The following NEXMIF variants were observed in gnomAD, a reference collection of about 807,000 sequenced individuals.
The protein encoded by NEXMIF is XLMR protein related to neurite extension.
A neutral mutation model predicts 62.1 loss-of-function variants in NEXMIF; 8 were observed. The observed-to-expected ratio is 0.13, with a 90% confidence interval of 0.08 to 0.23. NEXMIF has a LOEUF of 0.23. Among genes scored for constraint, NEXMIF ranks in the 10% least tolerant of loss-of-function variants. The pLI is 1.00. For synonymous variants in NEXMIF, 404 were observed against 416.6 expected, an observed-to-expected ratio of 0.97 and a Z score of 0.37; for missense variants, 976 against 1,113.3, an observed-to-expected ratio of 0.88 and a Z score of 1.75.
At chrX:74,887,696 G>C (rs1211622917) in intron 1 of NEXMIF, among the ~76,000 whole-genome samples, 10 of 111,400 alleles carry the variant, frequency 9.0e-5, no homozygotes, top group African/African-American at 1.6e-4. Context: ...TACACTGTTG[G>C]TGGGACTGTA....
chrX:74,781,739 A>AGCC (rs1569342046), intron 1 of NEXMIF, among the ~76,000 whole-genome samples: 42 of 93,020 alleles, frequency 4.5e-4, no homozygotes, highest in Non-Finnish European at 6.5e-4. Context: ...TGTATGTGAA[A>AGCC]TTTATACTAA....
intron 1 of NEXMIF, among the ~76,000 whole-genome samples, chrX:74,811,937 T>A (rs1307966816): frequency 8.9e-6 from 1 of 112,847 alleles, no homozygotes; most frequent in Non-Finnish European, 1.9e-5. Flanking sequence ...GTGGGGTGGG[T>A]GGATATGATT....
At chrX:74,873,990 G>A (rs1281422858) in intron 1 of NEXMIF, among the ~76,000 whole-genome samples, 4 of 110,514 alleles carry the variant, frequency 3.6e-5, no homozygotes, top group Admixed American at 9.6e-5. Flanking sequence ...GAAGCTCTTT[G>A]GTTGAATTAG....
At chrX:74,865,827 C>A (rs1015035323) in intron 1 of NEXMIF, among the ~76,000 whole-genome samples, 1 of 111,944 alleles carries the variant, frequency 8.9e-6, no homozygotes, top group African/African-American at 3.2e-5. Context: ...TGTGGGTACA[C>A]AGAAGTTCAA....
chrX:74,920,691 A>G (rs1375118835), intron 1 of NEXMIF, among the ~76,000 whole-genome samples: 1 of 111,749 alleles, frequency 8.9e-6, no homozygotes, highest in Non-Finnish European at 1.9e-5. Context: ...TTAGACATGA[A>G]GTCCTTGCCC....
At chrX:74,748,126 G>T (rs2080131504) in intron 1 of NEXMIF, among the ~76,000 whole-genome samples, 1 of 112,365 alleles carries the variant, frequency 8.9e-6, no homozygotes, top group Admixed American at 9.4e-5. Context: ...AAAAGATAAA[G>T]AAGAGGTAGA....
intron 1 of NEXMIF, among the ~76,000 whole-genome samples, chrX:74,907,170 A>C (rs1378657129): frequency 8.9e-6 from 1 of 112,078 alleles, no homozygotes; most frequent in African/African-American, 3.2e-5. Context: ...TACACCAGGA[A>C]AACAGCTACA....
At chrX:74,890,180 C>T (rs746046185) in intron 1 of NEXMIF, among the ~76,000 whole-genome samples, 1 of 110,840 alleles carries the variant, frequency 9.0e-6, no homozygotes, top group Non-Finnish European at 1.9e-5. Flanking sequence ...GACTTTGATC[C>T]TAGACCTACA....
intron 1 of NEXMIF, among the ~76,000 whole-genome samples, chrX:74,760,811 A>G (rs2080173468): frequency 9.2e-6 from 1 of 109,080 alleles, no homozygotes; most frequent in African/African-American, 3.3e-5. Flanking sequence ...TGATTGATGC[A>G]TCAATGTTCA....
intron 1 of NEXMIF, among the ~76,000 whole-genome samples, chrX:74,876,103 T>C (rs2080631717): frequency 8.9e-6 from 1 of 111,738 alleles, no homozygotes; most frequent in Non-Finnish European, 1.9e-5. Context: ...TTTTGGATCT[T>C]TCCTGCTTTC....
intron 1 of NEXMIF, among the ~76,000 whole-genome samples, chrX:74,841,690 G>A (rs1438897304): frequency 8.9e-6 from 1 of 111,829 alleles, no homozygotes; most frequent in Non-Finnish European, 1.9e-5. Flanking sequence ...TAACATAAAC[G>A]GATGTTGAAT....
At chrX:74,804,018 T>A (rs1252185577) in intron 1 of NEXMIF, among the ~76,000 whole-genome samples, 1 of 111,907 alleles carries the variant, frequency 8.9e-6, no homozygotes, top group African/African-American at 3.2e-5. Context: ...CAGGATATTA[T>A]AGAACTGTAA....
chrX:74,756,392 G>A (rs2080159473), intron 1 of NEXMIF, among the ~76,000 whole-genome samples: 1 of 111,940 alleles, frequency 8.9e-6, no homozygotes. Context: ...ACAGAGGAAA[G>A]GAAAATTTCA....
chrX:74,852,897 G>C (rs1284665150), intron 1 of NEXMIF, among the ~76,000 whole-genome samples: 1 of 110,877 alleles, frequency 9.0e-6, no homozygotes, highest in East Asian at 2.8e-4. Context: ...TACTAGAAAA[G>C]CAAGAACAAA....
chrX:74,742,488 T>C lies in NEXMIF; in HGVS notation c.2069A>G (p.His690Arg), dbSNP rs771210378. ...LGAPSCANGS[H>R]LNDITGPDSV... ...GTCAGGGCCTGTGATGTCATTTAAA[T>C]GTGATCCATTTGCACAGCTAGGAGC... Residue 690 changes from histidine to arginine, a missense_variant, in exon 3 of 4, where the codon CAT becomes CGT. His to Arg is a conservative substitution (Grantham distance 29, BLOSUM62 0). Around this residue, in one of 5 missense-constraint regions of NEXMIF, gnomAD observed 639 missense variants for 694.5 expected, o/e 0.92. Coordinates refer to ENST00000055682, the MANE Select transcript of NEXMIF (RefSeq NM_001008537.3). 4 of 1,210,344 alleles carry C rather than the reference T, an allele frequency of 3.3e-6. No individual in the cohort carries two copies. The highest frequency in any genetic ancestry group is 4.5e-6 in the Non-Finnish European group (4 of 895,176).
chrX:74,788,265 G>C (rs915400522), intron 1 of NEXMIF, among the ~76,000 whole-genome samples: 4 of 111,578 alleles, frequency 3.6e-5, no homozygotes, highest in Non-Finnish European at 5.7e-5. Flanking sequence ...TCCTGATCAA[G>C]GTAAACAGAT....
intron 1 of NEXMIF, among the ~76,000 whole-genome samples, chrX:74,912,700 G>A (rs1451272673): frequency 3.6e-5 from 4 of 111,348 alleles, no homozygotes; most frequent in Non-Finnish European, 7.5e-5. Context: ...TTCCTGTAGT[G>A]CCAAGCTCTT....
At chrX:74,877,120 C>T (rs1364805232) in intron 1 of NEXMIF, among the ~76,000 whole-genome samples, 2 of 111,729 alleles carry the variant, frequency 1.8e-5, no homozygotes, top group Admixed American at 1.9e-4. Flanking sequence ...GATTTTGCAG[C>T]AGCTGGTACA....
At chrX:74,804,240 T>G (rs1415272214) in intron 1 of NEXMIF, among the ~76,000 whole-genome samples, 1 of 112,572 alleles carries the variant, frequency 8.9e-6, no homozygotes, top group African/African-American at 3.2e-5. Context: ...GTTATCAGCT[T>G]AAAATAATGG....
Sources: gnomAD v4.1 joint callset for allele counts (sites outside exome capture counted in the v4.1 genomes callset) on GRCh38, gnomAD v4.1.1 for gene constraint, gnomAD v4.1.1 regional missense constraint, MANE v1.5 for transcripts, NCBI Gene and HGNC (gene_info 2026-07-23, HGNC 2026-07-21) for gene names.